The following DGAT2 variants were observed in gnomAD, a reference collection of about 807,000 sequenced individuals.
DGAT2 encodes acyl-CoA retinol O-fatty-acyltransferase.
A neutral mutation model predicts 48.4 loss-of-function variants in DGAT2; 33 were observed. The observed-to-expected ratio is 0.68, with a 90% confidence interval of 0.52 to 0.91. The LOEUF is 0.91. Among genes scored for constraint, DGAT2 ranks in the 40% least tolerant of loss-of-function variants. The probability of loss-of-function intolerance (pLI) is 0.00; values close to 1 mark genes in which losing one functional copy is unlikely to be tolerated. For missense variants in DGAT2, 446 were observed against 493.7 expected, an observed-to-expected ratio of 0.90 and a Z score of 0.92; for synonymous variants, 191 against 194.1, an observed-to-expected ratio of 0.98 and a Z score of 0.13.
chr11:75,799,980 T>C (rs1785332666), intron 7 of DGAT2, among the ~76,000 whole-genome samples: 1 of 151,934 alleles, frequency 6.6e-6, no homozygotes, highest in Non-Finnish European at 1.5e-5. Flanking sequence ...TGAGGAAGAA[T>C]CCCCATGTGA....
At chr11:75,791,109 G>A (rs1201777687) in intron 4 of DGAT2, among the ~76,000 whole-genome samples, 1 of 152,228 alleles carries the variant, frequency 6.6e-6, no homozygotes, top group Non-Finnish European at 1.5e-5. Context: ...GACCTGTCTG[G>A]CCAGCTCACT....
At chr11:75,798,492 C>T (rs1565320952) in intron 7 of DGAT2, 63 bp downstream of exon 7, 5 of 1,567,398 alleles carry the variant, frequency 3.2e-6, no homozygotes, top group Non-Finnish European at 3.5e-6. Flanking sequence ...AGCTAATCAG[C>T]AGTAGAGACG....
At chr11:75,796,867 C>G in intron 5 of DGAT2, 1 of 447,412 alleles carries the variant, frequency 2.2e-6, no homozygotes, top group South Asian at 3.8e-5. Context: ...CAGACTGATG[C>G]ATTGGGATCC....
At chr11:75,774,567 G>A (rs1268558883) in intron 1 of DGAT2, among the ~76,000 whole-genome samples, 3 of 152,160 alleles carry the variant, frequency 2.0e-5, no homozygotes, top group South Asian at 2.1e-4. Flanking sequence ...GAGGAGGACT[G>A]GTTGAGATGA....
intron 1 of DGAT2, among the ~76,000 whole-genome samples, chr11:75,779,365 T>C (rs1944836826): frequency 6.6e-6 from 1 of 152,178 alleles, no homozygotes; most frequent in South Asian, 2.1e-4. Flanking sequence ...GTAGAGATGA[T>C]GAGGGACTGG....
rs371407118 is a variant in DGAT2 at position 75,790,270 on chromosome 11, G to A, written c.333G>A (p.Val111=). The part of the protein sequence containing the change: ...LIAVLYFTWL[V]FDWNTPKKGG... ...CTGTGCTCTACTTCACTTGGCTGGT[G>A]TTTGACTGGAACACACCCAAGAAAG... Residue 111 remains valine, a synonymous_variant, in exon 3 of 8, where the codon GTG becomes GTA. Transcript: ENST00000228027. The A allele has an allele frequency of 8.7e-6, 14 of 1,614,120 alleles. No homozygotes were observed. Among genetic ancestry groups the A allele is most frequent in the Middle Eastern group, 3.3e-4 (2 of 6,062 alleles).
intron 1 of DGAT2, among the ~76,000 whole-genome samples, chr11:75,771,628 G>A (rs974231186): frequency 2.6e-5 from 4 of 152,036 alleles, no homozygotes; most frequent in Non-Finnish European, 4.4e-5. Context: ...AGATTGTTGG[G>A]GGTAACTGGG....
chr11:75,783,516 C>A (rs779443117), intron 1 of DGAT2, among the ~76,000 whole-genome samples: 1 of 152,144 alleles, frequency 6.6e-6, no homozygotes, highest in Non-Finnish European at 1.5e-5. Flanking sequence ...GTCATGAGAC[C>A]CTCAAGGACA....
chr11:75,790,187 G>A lies in DGAT2; in HGVS notation c.251-1G>A. 6.2e-7 allele frequency: 1 copy of A among 1,612,560 alleles called. No homozygotes were observed. The highest frequency in any genetic ancestry group is 8.5e-7 in the Non-Finnish European group (1 of 1,178,812). ...CTGACCTGTGGCCATCTGCCCCCCA[G>A]GAGTGGCCTGCAGTGCCATCCTCAT... On this transcript the variant is annotated splice_acceptor_variant, in intron 2 of 7. Transcript: ENST00000228027. LOFTEE classifies it high-confidence loss of function.
At chr11:75,781,273 C>T (rs1944860069) in intron 1 of DGAT2, among the ~76,000 whole-genome samples, 1 of 152,254 alleles carries the variant, frequency 6.6e-6, no homozygotes, top group Admixed American at 6.5e-5. Context: ...AGACTGCTGC[C>T]TTATCACCAT....
chr11:75,796,668 G>A, intron 5 of DGAT2, 136 bp downstream of exon 5: 1 of 860,176 alleles, frequency 1.2e-6, no homozygotes, highest in Admixed American at 2.6e-5. Context: ...ACCTGCTTCA[G>A]ACATGGTGGG....
intron 1 of DGAT2, among the ~76,000 whole-genome samples, chr11:75,781,518 C>T (rs1944863423): frequency 1.3e-5 from 2 of 152,250 alleles, no homozygotes; most frequent in Non-Finnish European, 2.9e-5. Flanking sequence ...GTCCTCCCAG[C>T]TTCCCTCTCC....
chr11:75,769,590 G>A (rs1282076816), intron 1 of DGAT2, among the ~76,000 whole-genome samples: 1 of 152,146 alleles, frequency 6.6e-6, no homozygotes, highest in East Asian at 1.9e-4. Context: ...CTTGAGCCTG[G>A]CATGCTTAGA....
At chr11:75,777,453 T>C (rs1944813593) in intron 1 of DGAT2, among the ~76,000 whole-genome samples, 1 of 152,214 alleles carries the variant, frequency 6.6e-6, no homozygotes, top group Admixed American at 6.5e-5. Context: ...CACCGAGGCT[T>C]ACTTGGTAAT....
chr11:75,793,206 G>C (rs1323898121), intron 4 of DGAT2: 1 of 152,362 alleles, frequency 6.6e-6, no homozygotes, highest in African/African-American at 2.4e-5. Context: ...CATGTCAACA[G>C]AACCTTCATT....
At position 75,796,481 on chromosome 11, in the gene DGAT2, C is replaced by G. The variant is rs745751373; in HGVS notation, c.583C>G (p.Leu195Val). Residue 195 changes from leucine (L) to valine (V), a missense_variant, in exon 5 of 8, where the codon CTG becomes GTG. Physicochemically the swap from Leu to Val is conservative, Grantham distance 32 (BLOSUM62 1). Coordinates refer to ENST00000228027, the MANE Select transcript of DGAT2 (RefSeq NM_032564.5). Reference protein sequence around the residue: ...FPGIRPYLATLAGNFRMPVLR... With the variant: ...FPGIRPYLATVAGNFRMPVLR... ...AGGCATACGGCCTTACCTGGCTACA[C>G]TGGCAGGCAACTTCCGAATGCCTGT... The G allele has an allele frequency of 6.2e-7, 1 of 1,613,782 alleles. No homozygotes were observed. Among genetic ancestry groups the G allele is most frequent in the Non-Finnish European group, 8.5e-7 (1 of 1,180,030 alleles).
intron 5 of DGAT2, 36 bp from the exon 6 acceptor site, chr11:75,797,122 G>A (rs1397154447): frequency 6.9e-7 from 1 of 1,443,756 alleles, no homozygotes; most frequent in Non-Finnish European, 9.2e-7. Flanking sequence ...TGGATCCATG[G>A]GCAACCCTGA....
intron 1 of DGAT2, among the ~76,000 whole-genome samples, chr11:75,774,902 T>C (rs1371258980): frequency 6.6e-6 from 1 of 152,102 alleles, no homozygotes; most frequent in Non-Finnish European, 1.5e-5. Context: ...GTGGGGGAAG[T>C]GGGCCCCTGG....
intron 1 of DGAT2, among the ~76,000 whole-genome samples, chr11:75,778,765 C>T (rs977468736): frequency 2.9e-5 from 4 of 139,958 alleles, no homozygotes; most frequent in South Asian, 2.3e-4. Context: ...ACCCTGGAGG[C>T]GGAGGTTGCA....
Sources: allele counts gnomAD v4.1 joint callset (sites outside exome capture counted in the v4.1 genomes callset), GRCh38; gene constraint gnomAD v4.1.1; transcripts MANE v1.5; gene names NCBI Gene and HGNC (gene_info 2026-07-23, HGNC 2026-07-21).